The following MAP7D2 variants were observed in gnomAD, a reference collection of about 807,000 sequenced individuals.
The protein encoded by MAP7D2 is MAP7 domain-containing protein 2.
In MAP7D2, 33 loss-of-function variants were observed where a neutral mutation model predicts 63.5. The ratio of observed to expected loss-of-function variants is 0.52; its 90% CI spans 0.39 to 0.70. The LOEUF is 0.70. Among genes scored for constraint, MAP7D2 ranks in the 30% least tolerant of loss-of-function variants. The pLI is 0.00. For synonymous variants in MAP7D2, 224 were observed against 223.7 expected (o/e 1.00, Z -0.01); for missense variants, 626 against 604.0 (o/e 1.04, Z -0.38).
At chrX:20,046,909 G>A (rs1569519887) in intron 6 of MAP7D2, among the ~76,000 whole-genome samples, 1 of 112,672 alleles carries the variant, frequency 8.9e-6, no homozygotes, top group Non-Finnish European at 1.9e-5. Context: ...ACAGGGATAC[G>A]GAAGGACATT....
chrX:20,053,414 G>T (rs1158190162), intron 4 of MAP7D2, among the ~76,000 whole-genome samples: 4 of 111,919 alleles, frequency 3.6e-5, no homozygotes, highest in Non-Finnish European at 7.5e-5. Context: ...TGCTGAAACC[G>T]ACTCTTTTAT....
chrX:20,097,235 T>C (rs2066296033), intron 1 of MAP7D2, among the ~76,000 whole-genome samples: 1 of 112,445 alleles, frequency 8.9e-6, no homozygotes. Context: ...GTTACCATAT[T>C]ATCCAGTGCA....
intron 1 of MAP7D2, among the ~76,000 whole-genome samples, chrX:20,065,917 CTTTT>C (rs11323432): frequency 1.1e-5 from 1 of 92,289 alleles, no homozygotes; most frequent in Non-Finnish European, 2.1e-5. Context: ...GCACACCATT[CTTTT>C]TTTTTTTTTT....
In MAP7D2 at chrX:20,011,002, C is replaced by T; in HGVS notation, c.2123G>A (p.Ser708Asn). 5.0e-6 allele frequency: 6 copies of T among 1,210,415 alleles called. No individual in the cohort carries two copies. Among genetic ancestry groups the T allele is most frequent in the Non-Finnish European group, 6.7e-6 (6 of 894,220 alleles). Residue 708 changes from serine (S) to asparagine (N), a missense_variant, in exon 16 of 17, where the codon AGT (serine) becomes AAT (asparagine). By Grantham distance (46) the Ser-to-Asn change is conservative. Coordinates refer to ENST00000379643, the MANE Select transcript of MAP7D2 (RefSeq NM_001168465.2). Reference sequence around the variant, plus strand: ...CAGAGACACCCCAGGAATCATTTCACTCACTGGTGAAAATTCCGGGATAGA... The same window carrying T: ...CAGAGACACCCCAGGAATCATTTCATTCACTGGTGAAAATTCCGGGATAGA... ...LISIPEFSPVSEMIPGVSLDQ... is the reference protein window; with the variant it reads ...LISIPEFSPVNEMIPGVSLDQ...
At chrX:20,087,445 C>A (rs1238148594) in intron 1 of MAP7D2, among the ~76,000 whole-genome samples, 1 of 111,997 alleles carries the variant, frequency 8.9e-6, no homozygotes. Flanking sequence ...CCTTCCCCTT[C>A]CACCATGAGT....
chrX:20,030,413 TAG>T (rs1308767896), intron 8 of MAP7D2, among the ~76,000 whole-genome samples: 1 of 112,055 alleles, frequency 8.9e-6, no homozygotes, highest in African/African-American at 3.3e-5. Flanking sequence ...AAGGTGTGTT[TAG>T]GATGGTAAAC....
At chrX:20,070,490 T>A (rs923307934) in intron 1 of MAP7D2, among the ~76,000 whole-genome samples, 2 of 110,159 alleles carry the variant, frequency 1.8e-5, no homozygotes, top group Non-Finnish European at 1.9e-5. Context: ...AATTATTTTT[T>A]AAAAAAATCT....
At chrX:20,052,734 G>T in intron 5 of MAP7D2, 144 bp downstream of exon 5, 1 of 484,686 alleles carries the variant, frequency 2.1e-6, no homozygotes, top group South Asian at 3.3e-5. Context: ...CAAGGCCCTA[G>T]AGCTCCCACA....
rs193238628 is a variant in MAP7D2 at position 20,106,113 on chromosome X, G to A, written c.130+10637C>T. ...CCCCATGGCCTACTCACTTCTTAAA[G>A]GTCCCATCTCTTAATGCCATCACAA... is the stretch of plus-strand genomic sequence containing the variant. On this transcript the variant is annotated intron_variant, in intron 1 of 16. Transcript: ENST00000379643. Among the ~76,000 whole-genome samples, 502 of 112,281 alleles carry A rather than the reference G, an allele frequency of 4.5e-3. 2 individuals carry two copies. Among genetic ancestry groups the A allele is most frequent in the Middle Eastern group, 0.018 (4 of 218 alleles).
intron 1 of MAP7D2, among the ~76,000 whole-genome samples, chrX:20,086,785 GTT>G (rs2065921372): frequency 9.0e-6 from 1 of 111,299 alleles, no homozygotes; most frequent in Non-Finnish European, 1.9e-5. Flanking sequence ...GTTTTGTTTT[GTT>G]TTGTTTTTTT....
At chrX:20,026,732 C>T (rs769077246) in intron 8 of MAP7D2, among the ~76,000 whole-genome samples, 2 of 111,677 alleles carry the variant, frequency 1.8e-5, no homozygotes, top group Non-Finnish European at 3.8e-5. Flanking sequence ...GGAAAGGGTC[C>T]GTTACAGGTA....
chrX:20,115,164 A>G (rs1475836946), intron 1 of MAP7D2, among the ~76,000 whole-genome samples: 1 of 109,095 alleles, frequency 9.2e-6, no homozygotes, highest in Non-Finnish European at 1.9e-5. Flanking sequence ...TGATTCTACA[A>G]TAGTTTCCAA....
At chrX:20,098,562 G>C (rs1054598306) in intron 1 of MAP7D2, among the ~76,000 whole-genome samples, 1 of 110,890 alleles carries the variant, frequency 9.0e-6, no homozygotes, top group African/African-American at 3.3e-5. Context: ...CACGGTGGGG[G>C]GGGGAGCGGG....
chrX:20,059,736 AGAAG>A (rs780426313), intron 3 of MAP7D2, among the ~76,000 whole-genome samples: 33 of 109,156 alleles, frequency 3.0e-4, no homozygotes, highest in Non-Finnish European at 5.9e-4. Flanking sequence ...AAGGAAAAAA[AGAAG>A]GAAGGAAAGA....
intron 6 of MAP7D2, among the ~76,000 whole-genome samples, chrX:20,046,595 T>C (rs1021301328): frequency 1.8e-5 from 2 of 112,624 alleles, no homozygotes; most frequent in African/African-American, 6.5e-5. Flanking sequence ...TAAATGCAGC[T>C]GTCACTGGAA....
intron 16 of MAP7D2, among the ~76,000 whole-genome samples, chrX:20,009,165 C>T (rs1424647410): frequency 9.0e-6 from 1 of 111,077 alleles, no homozygotes; most frequent in Admixed American, 9.6e-5. Context: ...GGCTCTCAAA[C>T]TTGTCTTATA....
In MAP7D2 at chrX:20,094,487, C is replaced by CAT. The variant is rs1216874865; in HGVS notation, c.130+22261_130+22262dup. Among the ~76,000 whole-genome samples, 61 of 15,079 alleles carry CAT rather than the reference C, an allele frequency of 4.0e-3. 5 individuals carry two copies. The highest frequency in any genetic ancestry group is 0.012 in the South Asian group (2 of 171). 13.1% of individuals were successfully genotyped at this position (15,079 alleles called of 115,157 possible). A position where few individuals can be genotyped will look rare whatever the true frequency, so the allele number is the denominator to read the frequency against. On this transcript the variant is annotated intron_variant, in intron 1 of 16. Transcript: ENST00000379643. ...GAATTGGTAATAAAAAAAATACATA[C>CAT]ATATATATATATATATATATATATA...
intron 8 of MAP7D2, among the ~76,000 whole-genome samples, chrX:20,035,337 CG>C (rs1397161816): frequency 2.7e-5 from 3 of 111,379 alleles, no homozygotes; most frequent in Non-Finnish European, 5.7e-5. Flanking sequence ...CAAGGCTCCC[CG>C]CACCTTGCTG....
chrX:20,073,786 A>G (rs2065570132), intron 1 of MAP7D2, among the ~76,000 whole-genome samples: 1 of 103,701 alleles, frequency 9.6e-6, no homozygotes, highest in Admixed American at 1.0e-4. Flanking sequence ...TCAGCCTCCT[A>G]AAGTGCTGGG....
Sources: allele counts gnomAD v4.1 joint callset (sites outside exome capture counted in the v4.1 genomes callset), GRCh38; gene constraint gnomAD v4.1.1; transcripts MANE v1.5; gene names NCBI Gene and HGNC (gene_info 2026-07-23, HGNC 2026-07-21).